The following NTM variants were observed in gnomAD, a reference collection of about 807,000 sequenced individuals.
The protein encoded by NTM is neurotrimin.
NTM carries 13 observed loss-of-function variants against 42.1 expected under a neutral mutation model. The ratio of observed to expected loss-of-function variants is 0.31; its 90% CI spans 0.20 to 0.49. The LOEUF (loss-of-function observed/expected upper bound fraction) is 0.49. Among genes scored for constraint, NTM ranks in the 20% least tolerant of loss-of-function variants. NTM has a pLI of 0.99. For synonymous variants in NTM, 187 were observed against 179.2 expected (o/e 1.04, Z -0.35); for missense variants, 373 against 452.8 (o/e 0.82, Z 1.60).
At chr11:131,743,898 C>T (rs1443890170) in intron 1 of NTM, among the ~76,000 whole-genome samples, 1 of 152,194 alleles carries the variant, frequency 6.6e-6, no homozygotes, top group Admixed American at 6.5e-5. Context: ...ATTCTGGAAC[C>T]TGGACCAAAT....
At chr11:131,701,393 C>T (rs765658088) in intron 1 of NTM, among the ~76,000 whole-genome samples, 1 of 152,184 alleles carries the variant, frequency 6.6e-6, no homozygotes, top group South Asian at 2.1e-4. Flanking sequence ...CTCCTCCAAT[C>T]ACTGCTCTTG....
At chr11:131,774,211 C>A (rs923615583) in intron 1 of NTM, 3 of 686,756 alleles carry the variant, frequency 4.4e-6, no homozygotes, top group South Asian at 6.5e-5. Context: ...GGCTTCTTAC[C>A]CCTCAGGCAC....
At position 132,218,982 on chromosome 11, in the gene NTM, C is replaced by A. The variant is rs1050421352; in HGVS notation, c.526+6835C>A. On this transcript the variant is annotated intron_variant, in intron 4 of 8. Transcript: ENST00000683400. ...GATAAACCTCTCTGAAGATGTGCTT[C>A]TTTATTAATTTCATTCTTGCTTCTT... Among the ~76,000 whole-genome samples, 23 of 152,264 alleles carry A rather than the reference C, an allele frequency of 1.5e-4. 1 individual carries two copies. The South Asian group carries it at 4.8e-3, about 32-fold the overall frequency.
At chr11:132,255,215 T>C (rs1323907138) in intron 4 of NTM, among the ~76,000 whole-genome samples, 1 of 152,246 alleles carries the variant, frequency 6.6e-6, no homozygotes, top group Non-Finnish European at 1.5e-5. Flanking sequence ...GTCTGATCTC[T>C]TTCTACTCCT....
intron 1 of NTM, among the ~76,000 whole-genome samples, chr11:131,867,626 G>T (rs1466227651): frequency 6.6e-6 from 1 of 151,994 alleles, no homozygotes; most frequent in African/African-American, 2.4e-5. Flanking sequence ...GCATGTGTGT[G>T]TCTGTGTTTA....
At chr11:131,570,896 C>T (rs1357207482) in intron 1 of NTM, among the ~76,000 whole-genome samples, 1 of 152,206 alleles carries the variant, frequency 6.6e-6, no homozygotes, top group Non-Finnish European at 1.5e-5. Context: ...CTAGGCACTG[C>T]AGACTCAGAA....
At chr11:131,893,546 C>A (rs1488349390) in intron 1 of NTM, among the ~76,000 whole-genome samples, 1 of 152,138 alleles carries the variant, frequency 6.6e-6, no homozygotes, top group African/African-American at 2.4e-5. Flanking sequence ...GAGCAGAAGG[C>A]AGAAGACGTG....
chr11:132,114,820 C>CTATTTGTAGATAAATT lies in NTM; in HGVS notation c.168-31462_168-31461insTATTTGTAGATAAATT, dbSNP rs1271885361. 7.2e-5 allele frequency among the ~76,000 whole-genome samples: 11 copies of CTATTTGTAGATAAATT among 152,274 alleles called. No individual in the cohort carries two copies. In the East Asian group the frequency reaches 1.9e-3, roughly 27 times the overall value. ...CAGGGGCATAGACATTCTACAAATG[C>CTATTTGTAGATAAATT]CTACATTTTCTTTATCCAGTCATCT... On this transcript the variant is annotated intron_variant, in intron 2 of 8. Coordinates refer to ENST00000683400, the MANE Select transcript of NTM (RefSeq NM_001352005.2).
chr11:131,964,266 G>A (rs2062564739), intron 2 of NTM, among the ~76,000 whole-genome samples: 1 of 152,132 alleles, frequency 6.6e-6, no homozygotes, highest in Non-Finnish European at 1.5e-5. Flanking sequence ...TACTTAGATG[G>A]GTCATTTGTT....
At chr11:131,371,901 G>A (rs1486998347) in intron 1 of NTM, among the ~76,000 whole-genome samples, 2 of 152,224 alleles carry the variant, frequency 1.3e-5, no homozygotes, top group Non-Finnish European at 2.9e-5. Context: ...TCCGGGAGGA[G>A]GAGCCCTCTC....
intron 2 of NTM, among the ~76,000 whole-genome samples, chr11:132,130,327 A>C (rs1274946237): frequency 1.3e-5 from 2 of 152,128 alleles, no homozygotes. Flanking sequence ...TCATAAGATC[A>C]AGAGGTATGG....
chr11:131,971,080 C>T (rs548647815), intron 2 of NTM, among the ~76,000 whole-genome samples: 2 of 151,856 alleles, frequency 1.3e-5, no homozygotes, highest in Non-Finnish European at 1.5e-5. Context: ...GTTTCATAGC[C>T]AGCGGTGATT....
chr11:132,255,165 A>G (rs2139437126), intron 4 of NTM, among the ~76,000 whole-genome samples: 1 of 152,324 alleles, frequency 6.6e-6, no homozygotes, highest in East Asian at 1.9e-4. Context: ...TTGCCAAGAT[A>G]AATTTGAGCC....
rs375519380 is a variant in NTM at position 132,197,730 on chromosome 11, C to T, written c.401-14292C>T. 2.2e-4 allele frequency among the ~76,000 whole-genome samples: 33 copies of T among 147,408 alleles called. No individual in the cohort carries two copies. In the East Asian group the frequency reaches 4.3e-3, roughly 19 times the overall value. On this transcript the variant is annotated intron_variant, in intron 3 of 8. Coordinates refer to ENST00000683400, the MANE Select transcript of NTM (RefSeq NM_001352005.2). The stretch of plus-strand genomic sequence containing the variant: ...GTTCTCATTGTTCAATTCCCACCTA[C>T]GAGTGAGAACATGCGGTGTTTGCTT...
At chr11:131,424,326 AC>A (rs1030832106) in intron 1 of NTM, among the ~76,000 whole-genome samples, 4 of 152,108 alleles carry the variant, frequency 2.6e-5, no homozygotes, top group African/African-American at 9.7e-5. Context: ...TGCCACTCAC[AC>A]TGCACTGGAG....
At chr11:131,408,947 A>G (rs1174030415) in intron 1 of NTM, among the ~76,000 whole-genome samples, 1 of 152,178 alleles carries the variant, frequency 6.6e-6, no homozygotes, top group Non-Finnish European at 1.5e-5. Flanking sequence ...ATCAGAAACT[A>G]CCTTTGGAGA....
intron 1 of NTM, among the ~76,000 whole-genome samples, chr11:131,826,753 A>G (rs76259266): frequency 0.018 from 2,784 of 152,184 alleles, 157 homozygotes; most frequent in East Asian, 0.14. Flanking sequence ...AGTCCCTTTC[A>G]GGAGGCTGTA....
intron 2 of NTM, among the ~76,000 whole-genome samples, chr11:131,929,941 G>C (rs894125087): frequency 5.9e-5 from 9 of 152,140 alleles, no homozygotes; most frequent in Non-Finnish European, 1.3e-4. Context: ...GAGGCTATAA[G>C]CTTCTATTCT....
At chr11:132,316,572 G>T (rs937752843) in intron 7 of NTM, among the ~76,000 whole-genome samples, 2 of 152,186 alleles carry the variant, frequency 1.3e-5, no homozygotes, top group Admixed American at 6.5e-5. Context: ...GTTCTTTAAT[G>T]CCAGAAGTCC....
Sources: gnomAD v4.1 joint callset for allele counts (sites outside exome capture counted in the v4.1 genomes callset) on GRCh38, gnomAD v4.1.1 for gene constraint, MANE v1.5 for transcripts, NCBI Gene and HGNC (gene_info 2026-07-23, HGNC 2026-07-21) for gene names.